OR1J2: variants seen among roughly 807,000 people sequenced by gnomAD.
OR1J2 encodes the protein olfactory receptor 1J2.
For missense variants in OR1J2, 304 were observed against 246.1 expected, an observed-to-expected ratio of 1.24 and a Z score of -1.57; for synonymous variants, 142 against 99.7, an observed-to-expected ratio of 1.42 and a Z score of -2.52.
At chr9:122,571,078 A>G in the OR1J2 span, among the ~76,000 whole-genome samples, 1 of 152,208 alleles carries the variant, frequency 6.6e-6, no homozygotes, top group Non-Finnish European at 1.5e-5. Context: ...TCACTCTGAT[A>G]AATTTCTACA....
rs113027901 is a variant in OR1J2 at position 122,511,506 on chromosome 9, C to CA, written c.708dup (p.Ala237SerfsTer33). 4.1e-4 allele frequency: 321 copies of CA among 781,008 alleles called. 1 individual carries two copies. The African/African-American group carries it at 4.4e-3, about 11-fold the overall frequency. 48.4% of individuals were successfully genotyped at this position (781,008 alleles called of 1,614,324 possible). ...GGGTCCCTTCAACCAAAGGGATCCA[C>CA]AAAGCATTGTCCACATGTGGCTCCC... On this transcript the variant is annotated frameshift_variant, in exon 1 of 1. Coordinates refer to ENST00000335302, the MANE Select transcript of OR1J2 (RefSeq NM_054107.1). LOFTEE classifies it low-confidence loss of function (END_TRUNC).
the OR1J2 span, among the ~76,000 whole-genome samples, chr9:122,542,142 T>C: frequency 2.0e-5 from 3 of 152,228 alleles, no homozygotes; most frequent in African/African-American, 7.2e-5. Context: ...GACTCAATCA[T>C]GTTTGTTGCA....
the OR1J2 span, among the ~76,000 whole-genome samples, chr9:122,471,690 G>T: frequency 0.9 from 136,564 of 152,270 alleles, 61,506 homozygotes; most frequent in African/African-American, 0.97. Context: ...ATCACTTTGC[G>T]GATAATGCAG....
At chr9:122,504,930 C>T in the OR1J2 span, among the ~76,000 whole-genome samples, 2 of 152,130 alleles carry the variant, frequency 1.3e-5, no homozygotes, top group Non-Finnish European at 2.9e-5. Flanking sequence ...CATCCAGTTC[C>T]TATAGCTAAA....
chr9:122,453,511 T>G, the OR1J2 span, among the ~76,000 whole-genome samples: 2 of 152,206 alleles, frequency 1.3e-5, no homozygotes, highest in African/African-American at 4.8e-5. Flanking sequence ...GATACAAGAC[T>G]AATTCAAGTA....
the OR1J2 span, among the ~76,000 whole-genome samples, chr9:122,498,711 G>A: frequency 6.6e-6 from 1 of 152,120 alleles, no homozygotes; most frequent in African/African-American, 2.4e-5. Context: ...ATTTTTCATG[G>A]TGCCAGAATT....
the OR1J2 span, among the ~76,000 whole-genome samples, chr9:122,546,843 T>C: frequency 6.6e-6 from 1 of 152,192 alleles, no homozygotes; most frequent in African/African-American, 2.4e-5. Context: ...CAAATAATAA[T>C]TGTATGTATT....
At chr9:122,495,545 A>T in the OR1J2 span, among the ~76,000 whole-genome samples, 50 of 151,866 alleles carry the variant, frequency 3.3e-4, no homozygotes, top group East Asian at 1.6e-3. Context: ...GTTTTTTTTT[A>T]AAATGTATGC....
the OR1J2 span, among the ~76,000 whole-genome samples, chr9:122,502,236 C>T: frequency 6.6e-6 from 1 of 152,168 alleles, no homozygotes; most frequent in Non-Finnish European, 1.5e-5. Context: ...ACATTCACGT[C>T]CTTCATTGTT....
chr9:122,460,025 A>C, the OR1J2 span, among the ~76,000 whole-genome samples: 2 of 152,068 alleles, frequency 1.3e-5, no homozygotes, highest in African/African-American at 4.8e-5. Context: ...GCTCCCACTT[A>C]TGAGTGACAA....
the OR1J2 span, chr9:122,519,812 C>T: frequency 6.2e-7 from 1 of 1,614,166 alleles, no homozygotes; most frequent in Non-Finnish European, 8.5e-7. Context: ...TTGGGGTCAC[C>T]ATCCTCAAGG....
the OR1J2 span, among the ~76,000 whole-genome samples, chr9:122,531,130 C>T: frequency 9.4e-3 from 1,435 of 152,022 alleles, 22 homozygotes; most frequent in African/African-American, 0.033. Context: ...TGCTTCAAGC[C>T]GGATTAGGGG....
the OR1J2 span, among the ~76,000 whole-genome samples, chr9:122,453,049 AAAT>A: frequency 3.3e-4 from 47 of 144,070 alleles, no homozygotes; most frequent in East Asian, 4.1e-3. Context: ...AAAAAAAAAA[AAAT>A]GGGTGTGGCA....
chr9:122,507,168 C>T (rs1207978870), upstream of OR1J2, among the ~76,000 whole-genome samples: 1 of 152,148 alleles, frequency 6.6e-6, no homozygotes, highest in African/African-American at 2.4e-5. Context: ...AACGTCTCTC[C>T]AAAGGAGTCA....
chr9:122,450,347 C>T, the OR1J2 span, among the ~76,000 whole-genome samples: 1 of 152,156 alleles, frequency 6.6e-6, no homozygotes. Flanking sequence ...ACGCAAATCA[C>T]TTGAACCTGG....
At chr9:122,464,443 C>G in the OR1J2 span, among the ~76,000 whole-genome samples, 1 of 152,240 alleles carries the variant, frequency 6.6e-6, no homozygotes, top group Non-Finnish European at 1.5e-5. Context: ...ACAGAGCCTG[C>G]AGCAGCAATC....
the OR1J2 span, among the ~76,000 whole-genome samples, chr9:122,534,199 A>G: frequency 6.6e-6 from 1 of 152,168 alleles, no homozygotes; most frequent in Admixed American, 6.5e-5. Flanking sequence ...TTTGTCTCAC[A>G]GTGGAGGCAA....
downstream of OR1J2, among the ~76,000 whole-genome samples, chr9:122,512,675 A>C (rs1338463757): frequency 6.6e-6 from 1 of 152,214 alleles, no homozygotes; most frequent in African/African-American, 2.4e-5. Flanking sequence ...ATAATATAGA[A>C]ATACCCAGCT....
the OR1J2 span, among the ~76,000 whole-genome samples, chr9:122,494,548 C>G: frequency 6.6e-6 from 1 of 152,036 alleles, no homozygotes; most frequent in Admixed American, 6.6e-5. Context: ...CTTTTCTACC[C>G]CTTTACCTTA....
Sources: gnomAD v4.1 joint callset for allele counts (sites outside exome capture counted in the v4.1 genomes callset) on GRCh38, gnomAD v4.1.1 for gene constraint, MANE v1.5 for transcripts, NCBI Gene and HGNC (gene_info 2026-07-23, HGNC 2026-07-21) for gene names.